Variants in MYOCD observed in about 807,000 individuals in gnomAD.
MYOCD encodes the protein myocardin.
MYOCD carries 32 observed loss-of-function variants against 96.1 expected under a neutral mutation model. That is an observed-to-expected ratio of 0.33 (90% CI 0.25 to 0.45). The LOEUF is 0.45. MYOCD is among the 20% of genes least tolerant of loss of function. MYOCD has a pLI of 1.00. For missense variants in MYOCD, 1,133 were observed against 1,200.6 expected (o/e 0.94, Z 0.83); for synonymous variants, 469 against 469.0 (o/e 1.00, Z 0.00).
At chr17:12,756,377 C>T in intron 10 of MYOCD, 37 bp from the exon 11 acceptor site, 5 of 1,551,602 alleles carry the variant, frequency 3.2e-6, no homozygotes, top group Non-Finnish European at 4.4e-6. Context: ...AAGTAAGCTG[C>T]TGCTGGCCAT....
chr17:12,758,111 G>T lies in MYOCD; in HGVS notation c.2229G>T (p.Lys743Asn). Residue 743 changes from lysine (K) to asparagine (N), a missense_variant, in exon 12 of 14, where the codon AAG becomes AAT. By Grantham distance (94) the Lys-to-Asn change is moderately conservative (BLOSUM62 0). Transcript: ENST00000425538. ...TGGCTGGTTTACACTCTTCTGATAA[G>T]GTGGGGCCAAAGTTTTCAATTCCAT... is the stretch of plus-strand genomic sequence containing the variant. Reference protein sequence around the residue: ...QKMAGLHSSDKVGPKFSIPSP... With the variant: ...QKMAGLHSSDNVGPKFSIPSP... 6.2e-7 allele frequency: 1 copy of T among 1,614,020 alleles called. No individual in the cohort carries two copies. Among genetic ancestry groups the T allele is most frequent in the South Asian group, 1.1e-5 (1 of 91,086 alleles).
chr17:12,673,285 C>T (rs1362388448), intron 1 of MYOCD, among the ~76,000 whole-genome samples: 1 of 152,100 alleles, frequency 6.6e-6, no homozygotes, highest in Non-Finnish European at 1.5e-5. Flanking sequence ...TGCTGTTCAA[C>T]ATTAATTGAA....
chr17:12,700,188 C>G (rs1296490722), intron 1 of MYOCD, among the ~76,000 whole-genome samples: 1 of 151,874 alleles, frequency 6.6e-6, no homozygotes, highest in Admixed American at 6.6e-5. Flanking sequence ...GGATTACAGG[C>G]GTGAGCCACC....
At position 12,719,174 on chromosome 17, in the gene MYOCD, C is replaced by CAAAAAAA. The variant is rs71144920; in HGVS notation, c.253+1777_253+1783dup. Among the ~76,000 whole-genome samples, 47 of 49,158 alleles carry CAAAAAAA rather than the reference C, an allele frequency of 9.6e-4. 5 individuals carry two copies. The highest frequency in any genetic ancestry group is 3.0e-3 in the African/African-American group (25 of 8,288). 32.2% of individuals were successfully genotyped at this position (49,158 alleles called of 152,430 possible). On this transcript the variant is annotated intron_variant, in intron 4 of 13. Transcript: ENST00000425538. ...GGGGCCACAGAGGGAGACTCTGTCT[C>CAAAAAAA]AAAAAAAAAAAAAAAAAAAAAAAAA...
chr17:12,739,975 G>A (rs192383694), intron 7 of MYOCD, among the ~76,000 whole-genome samples: 139 of 151,474 alleles, frequency 9.2e-4, no homozygotes, highest in Admixed American at 2.5e-3. Flanking sequence ...TCTCTCTGTT[G>A]CCCAGGTTGG....
intron 1 of MYOCD, among the ~76,000 whole-genome samples, chr17:12,700,399 A>ATTTTTTTTTTTTTTTTTTTTTTT (rs952565560): frequency 1.3e-5 from 1 of 76,892 alleles, no homozygotes; most frequent in African/African-American, 6.2e-5. Flanking sequence ...CAATGGGAGA[A>ATTTTTTTTTTTTTTTTTTTTTTT]TTTTTTTTTT....
Position 12,744,265 on chromosome 17 carries a change from A to G in MYOCD, c.800A>G (p.Gln267Arg), listed in dbSNP as rs753783782. ...AAGGTGAAGAAGCTTAAATATCACC[A>G]GTACATTCCCCCAGACCAGAAGGCA... The part of the protein sequence containing the change: ...KPKVKKLKYH[Q>R]YIPPDQKAEK... The change falls in exon 8 of 14, where the codon CAG (glutamine) becomes CGG (arginine). Residue 267 changes from glutamine to arginine, a missense_variant. Physicochemically the swap from Gln to Arg is conservative, Grantham distance 43. Coordinates refer to ENST00000425538, the MANE Select transcript of MYOCD (RefSeq NM_001146312.3). 6.2e-7 allele frequency: 1 copy of G among 1,614,206 alleles called. No individual in the cohort carries two copies. The highest frequency in any genetic ancestry group is 8.5e-7 in the Non-Finnish European group (1 of 1,180,032).
At chr17:12,689,880 C>G (rs975779259) in intron 1 of MYOCD, among the ~76,000 whole-genome samples, 3 of 152,074 alleles carry the variant, frequency 2.0e-5, no homozygotes, top group African/African-American at 7.2e-5. Context: ...ACACTATACA[C>G]TAAAATTAAT....
chr17:12,731,692 G>C (rs892504459), intron 5 of MYOCD, among the ~76,000 whole-genome samples: 1 of 152,140 alleles, frequency 6.6e-6, no homozygotes, highest in African/African-American at 2.4e-5. Flanking sequence ...CAAATAACTT[G>C]CCAACTGTCA....
chr17:12,683,457 G>T, intron 1 of MYOCD, among the ~76,000 whole-genome samples: 1 of 151,912 alleles, frequency 6.6e-6, no homozygotes, highest in African/African-American at 2.4e-5. Context: ...TTTCTCTCGT[G>T]CGCGCGCGCT....
intron 1 of MYOCD, among the ~76,000 whole-genome samples, chr17:12,669,050 G>A (rs1164276850): frequency 6.6e-6 from 1 of 152,118 alleles, no homozygotes; most frequent in East Asian, 1.9e-4. Flanking sequence ...TGTGCTGTGT[G>A]GCAATTGTGT....
intron 1 of MYOCD, among the ~76,000 whole-genome samples, chr17:12,693,206 G>A (rs745491972): frequency 1.7e-4 from 26 of 152,244 alleles, no homozygotes; most frequent in Non-Finnish European, 2.9e-4. Flanking sequence ...AGGTACATGC[G>A]TAGGGTGGTG....
rs1415751640 is a variant in MYOCD, at chr17:12,744,231, C to A, written c.766C>A (p.Pro256Thr). The A allele has an allele frequency of 1.2e-6, 2 of 1,613,986 alleles. No homozygotes were observed. Among genetic ancestry groups the A allele is most frequent in the East Asian group, 4.5e-5 (2 of 44,886 alleles). Reference protein sequence around the residue: ...SKNRHKKPKDPKPKVKKLKYH... With the variant: ...SKNRHKKPKDTKPKVKKLKYH... ...GAACCGCCACAAAAAGCCCAAGGAC[C>A]CCAAGCCAAAGGTGAAGAAGCTTAA... The change falls in exon 8 of 14, where the codon CCC becomes ACC. Residue 256 changes from proline (P) to threonine (T), a missense_variant. Pro to Thr is a conservative substitution (Grantham distance 38). Coordinates refer to ENST00000425538, the MANE Select transcript of MYOCD (RefSeq NM_001146312.3).
intron 5 of MYOCD, among the ~76,000 whole-genome samples, chr17:12,729,439 G>A (rs2032102579): frequency 6.6e-6 from 1 of 152,084 alleles, no homozygotes; most frequent in Non-Finnish European, 1.5e-5. Context: ...AGCCATCTCA[G>A]GCATCATTGA....
chr17:12,679,651 T>C (rs1597727380), intron 1 of MYOCD, among the ~76,000 whole-genome samples: 1 of 152,212 alleles, frequency 6.6e-6, no homozygotes, highest in African/African-American at 2.4e-5. Context: ...TGCAGTGGTA[T>C]ATGTGCTACA....
intron 7 of MYOCD, 136 bp from the exon 8 acceptor site, chr17:12,744,047 A>G (rs1406372133): frequency 2.9e-6 from 3 of 1,044,982 alleles, no homozygotes; most frequent in South Asian, 1.6e-5. Flanking sequence ...CTCTTTGTAC[A>G]TCATGCCTTT....
intron 5 of MYOCD, among the ~76,000 whole-genome samples, chr17:12,729,871 G>GGGC (rs1269029196): frequency 6.6e-6 from 1 of 152,170 alleles, no homozygotes; most frequent in Non-Finnish European, 1.5e-5. Context: ...GAGCAACGCA[G>GGGC]GGCAGGTATT....
intron 12 of MYOCD, chr17:12,760,331 G>C (rs889191376): frequency 3.0e-6 from 1 of 333,448 alleles, no homozygotes; most frequent in East Asian, 6.3e-5. Context: ...GGAAAATGGC[G>C]GTTGCCAGGG....
At chr17:12,694,201 G>T (rs886340828) in intron 1 of MYOCD, among the ~76,000 whole-genome samples, 11 of 152,182 alleles carry the variant, frequency 7.2e-5, no homozygotes, top group African/African-American at 2.7e-4. Flanking sequence ...ACACAAATGG[G>T]CGCAGCAAGC....
Sources: gnomAD v4.1 joint callset for allele counts (sites outside exome capture counted in the v4.1 genomes callset) on GRCh38, gnomAD v4.1.1 for gene constraint, MANE v1.5 for transcripts, NCBI Gene and HGNC (gene_info 2026-07-23, HGNC 2026-07-21) for gene names.